The following GRID2 variants were observed in gnomAD, a reference collection of about 807,000 sequenced individuals.
GRID2 encodes glutamate receptor ionotropic, delta-2.
A neutral mutation model predicts 114.8 loss-of-function variants in GRID2; 33 were observed. The observed-to-expected ratio is 0.29, with a 90% CI of 0.22 to 0.38. The LOEUF (loss-of-function observed/expected upper bound fraction) is 0.38. GRID2 is among the 10% of genes least tolerant of loss of function. The pLI, the probability that GRID2 is intolerant of heterozygous loss-of-function variation, is 1.00. For missense variants in GRID2, 1,184 were observed against 1,257.7 expected (o/e 0.94, Z 0.89); for synonymous variants, 505 against 449.9 (o/e 1.12, Z -1.55).
intron 1 of GRID2, among the ~76,000 whole-genome samples, chr4:92,393,053 C>T (rs1031188940): frequency 2.0e-5 from 3 of 152,106 alleles, no homozygotes; most frequent in Non-Finnish European, 2.9e-5. Context: ...AGCTTTTACT[C>T]ATGGGGGAAG....
intron 2 of GRID2, among the ~76,000 whole-genome samples, chr4:92,596,489 G>T (rs1728961340): frequency 6.6e-6 from 1 of 151,956 alleles, no homozygotes; most frequent in Non-Finnish European, 1.5e-5. Context: ...CCTCTATGAG[G>T]GAAGATACTT....
At chr4:93,012,882 T>C (rs771061357) in intron 2 of GRID2, among the ~76,000 whole-genome samples, 1 of 152,018 alleles carries the variant, frequency 6.6e-6, no homozygotes, top group Non-Finnish European at 1.5e-5. Context: ...TGGGAATATA[T>C]ATGACATATA....
At chr4:93,758,603 G>A (rs551319698) in intron 14 of GRID2, among the ~76,000 whole-genome samples, 1 of 152,238 alleles carries the variant, frequency 6.6e-6, no homozygotes, top group South Asian at 2.1e-4. Context: ...TTTCCTAAGA[G>A]TATGTCAAAG....
intron 2 of GRID2, among the ~76,000 whole-genome samples, chr4:92,941,247 C>G (rs1056091735): frequency 2.4e-4 from 36 of 152,266 alleles, no homozygotes; most frequent in South Asian, 1.2e-3. Context: ...AATTTCAGAT[C>G]CTGTAACTGG....
At chr4:92,634,125 A>C (rs921356430) in intron 2 of GRID2, among the ~76,000 whole-genome samples, 7 of 150,054 alleles carry the variant, frequency 4.7e-5, no homozygotes, top group East Asian at 2.0e-4. Flanking sequence ...AAAAAAAAAA[A>C]CAACAAAAAA....
chr4:93,372,388 A>C (rs1763014593), intron 8 of GRID2, among the ~76,000 whole-genome samples: 1 of 151,984 alleles, frequency 6.6e-6, no homozygotes, highest in Non-Finnish European at 1.5e-5. Flanking sequence ...TTTTATTATT[A>C]TTCTACCTCT....
Position 93,224,644 on chromosome 4 carries a change from C to T in GRID2, c.994C>T (p.Leu332Phe), listed in dbSNP as rs371885400. The T allele has an allele frequency of 1.1e-5, 18 of 1,610,862 alleles. No homozygotes were observed. The highest frequency in any genetic ancestry group is 1.6e-4 in the Middle Eastern group (1 of 6,066). ...CAACCTTTACATATATGACACGGTGCTTCTGCTTGCTAATGCTTTTCATAA... is the reference window on the plus strand; with the variant it reads ...CAACCTTTACATATATGACACGGTGTTTCTGCTTGCTAATGCTTTTCATAA... ...ISNLYIYDTV[L>F]LLANAFHKKL... Residue 332 changes from leucine to phenylalanine, a missense_variant, in exon 7 of 16, where the codon CTT becomes TTT. This residue lies in a region of GRID2 where 455 missense variants were observed against 429.5 expected (regional missense o/e 1.06). Transcript: ENST00000282020.
chr4:92,494,784 C>T (rs1408018656), intron 1 of GRID2, among the ~76,000 whole-genome samples: 1 of 152,028 alleles, frequency 6.6e-6, no homozygotes, highest in East Asian at 1.9e-4. Flanking sequence ...AAAAAAGGGG[C>T]TATGTACACA....
At chr4:92,661,422 T>A (rs1732514005) in intron 2 of GRID2, among the ~76,000 whole-genome samples, 2 of 150,968 alleles carry the variant, frequency 1.3e-5, no homozygotes, top group Non-Finnish European at 3.0e-5. Context: ...TATCTTTAAA[T>A]GAAACAGCTT....
intron 14 of GRID2, among the ~76,000 whole-genome samples, chr4:93,634,329 C>T (rs1721218716): frequency 6.6e-6 from 1 of 151,960 alleles, no homozygotes; most frequent in Admixed American, 6.6e-5. Context: ...TAAAAACGGC[C>T]ATCATGTGTT....
At chr4:92,448,403 G>T (rs911610087) in intron 1 of GRID2, among the ~76,000 whole-genome samples, 2 of 152,030 alleles carry the variant, frequency 1.3e-5, no homozygotes, top group Non-Finnish European at 2.9e-5. Context: ...CTAACCTCAA[G>T]TGATCCTCCT....
At chr4:93,093,155 G>A (rs12499828) in intron 3 of GRID2, among the ~76,000 whole-genome samples, 59,619 of 151,748 alleles carry the variant, frequency 0.39, 12,043 homozygotes, top group Admixed American at 0.54. Context: ...ATGCTTGTTG[G>A]CCCCTGCACA....
At chr4:92,686,612 A>G (rs1488688594) in intron 2 of GRID2, among the ~76,000 whole-genome samples, 1 of 152,082 alleles carries the variant, frequency 6.6e-6, no homozygotes, top group Non-Finnish European at 1.5e-5. Context: ...CTGATCATTC[A>G]CTAAACCATT....
chr4:92,354,328 C>T (rs1411764918), intron 1 of GRID2, among the ~76,000 whole-genome samples: 1 of 151,936 alleles, frequency 6.6e-6, no homozygotes, highest in Non-Finnish European at 1.5e-5. Flanking sequence ...AGAGTTCTGA[C>T]AAATTTGGTT....
chr4:93,141,672 A>G (rs1735780671), intron 4 of GRID2, among the ~76,000 whole-genome samples: 1 of 152,226 alleles, frequency 6.6e-6, no homozygotes, highest in Non-Finnish European at 1.5e-5. Context: ...TATAGTCTGG[A>G]TCTATTTATC....
At position 93,638,301 on chromosome 4, in the gene GRID2, C is replaced by CTTTTTTTTTTTTTTTTTT. The variant is rs1184003180; in HGVS notation, c.2360+11867_2360+11884dup. 7.5e-4 allele frequency among the ~76,000 whole-genome samples: 58 copies of CTTTTTTTTTTTTTTTTTT among 77,194 alleles called. 1 individual carries two copies. The highest frequency in any genetic ancestry group is 1.2e-3 in the East Asian group (5 of 4,194). The allele number at this position is 77,194 out of a possible 152,430, so 50.6% of individuals were successfully genotyped here. Reference sequence around the variant, plus strand: ...AAGAAAACATATTTAAAACTTGCATCTTTTTTTTTTTTTTTTTTAATTATA... The same window carrying CTTTTTTTTTTTTTTTTTT: ...AAGAAAACATATTTAAAACTTGCATCTTTTTTTTTTTTTTTTTTTTTTTTTTTTTTTTTTTTAATTATA... On this transcript the variant is annotated intron_variant, in intron 14 of 15. Coordinates refer to ENST00000282020, the MANE Select transcript of GRID2 (RefSeq NM_001510.4).
intron 2 of GRID2, among the ~76,000 whole-genome samples, chr4:92,607,779 A>G (rs967568972): frequency 2.0e-5 from 3 of 151,928 alleles, no homozygotes; most frequent in Non-Finnish European, 4.4e-5. Flanking sequence ...CTTTCAGCAC[A>G]AGACACTGAG....
At chr4:92,785,090 T>G (rs1006440920) in intron 2 of GRID2, among the ~76,000 whole-genome samples, 1 of 148,870 alleles carries the variant, frequency 6.7e-6, no homozygotes, top group Non-Finnish European at 1.5e-5. Flanking sequence ...TTTTTTTTTT[T>G]AACAACTGAC....
At chr4:92,454,651 A>T (rs752900335) in intron 1 of GRID2, among the ~76,000 whole-genome samples, 36 of 152,242 alleles carry the variant, frequency 2.4e-4, no homozygotes, top group Non-Finnish European at 2.1e-4. Context: ...CCTGGCTAAC[A>T]CGGTGAAACC....
Sources: allele counts gnomAD v4.1 joint callset (sites outside exome capture counted in the v4.1 genomes callset), GRCh38; gene constraint gnomAD v4.1.1; regional missense constraint gnomAD v4.1.1; transcripts MANE v1.5; gene names NCBI Gene and HGNC (gene_info 2026-07-23, HGNC 2026-07-21).